The following ENO1 variants were observed in gnomAD, a reference collection of about 807,000 sequenced individuals.
ENO1 encodes the protein enolase 1.
A neutral mutation model predicts 46.3 loss-of-function variants in ENO1; 33 were observed. The observed-to-expected ratio is 0.71, with a 90% CI of 0.54 to 0.95. The LOEUF is 0.95. Ranked by LOEUF, ENO1 falls within the 40% of genes least tolerant of loss-of-function variation. ENO1 has a pLI of 0.00. For missense variants in ENO1, 488 were observed against 553.3 expected (o/e 0.88, Z 1.18); for synonymous variants, 220 against 216.0 (o/e 1.02, Z -0.16).
At position 8,870,483 on chromosome 1, in the gene ENO1, T is replaced by A; in HGVS notation, c.209A>T (p.Asn70Ile). 1 of 1,614,188 alleles carries A rather than the reference T, an allele frequency of 6.2e-7. No individual in the cohort carries two copies. Among genetic ancestry groups the A allele is most frequent in the Non-Finnish European group, 8.5e-7 (1 of 1,180,032 alleles). The change falls in exon 4 of 12, where the codon AAT becomes ATT. Residue 70 changes from asparagine to isoleucine, a missense_variant. Coordinates refer to ENST00000234590, the MANE Select transcript of ENO1 (RefSeq NM_001428.5). ...KGVSKAVEHI[N>I]KTIAPALVSK... ...AACCAGGGCAGGCGCAATAGTTTTA[T>A]TGATGTGCTCAACAGCCTTTGAGAC...
At chr1:8,865,076 C>T (rs927194586) in intron 8 of ENO1, among the ~76,000 whole-genome samples, 2 of 152,316 alleles carry the variant, frequency 1.3e-5, no homozygotes, top group East Asian at 1.9e-4. Context: ...TGCTGGCACC[C>T]GAGCTCCTTA....
At chr1:8,868,109 C>A (rs764332790) in intron 4 of ENO1, 52 bp from the exon 5 acceptor site, 1 of 1,263,352 alleles carries the variant, frequency 7.9e-7, no homozygotes, top group Non-Finnish European at 1.2e-6. Context: ...ATCTGCATAG[C>A]CTTTGCTCCC....
rs921024435 is a variant in ENO1, at chr1:8,867,563, T to C, written c.311-313A>G. On this transcript the variant is annotated intron_variant, in intron 5 of 11. Coordinates refer to ENST00000234590, the MANE Select transcript of ENO1 (RefSeq NM_001428.5). The stretch of plus-strand genomic sequence containing the variant: ...GATATTCAAAAAAAATTTTTTTTTT[T>C]CTTTTTTTTTGAGACAGAGTCTCAC... Among the ~76,000 whole-genome samples, 3 of 151,586 alleles carry C rather than the reference T, an allele frequency of 2.0e-5. 1 individual carries two copies. Among genetic ancestry groups the C allele is most frequent in the Non-Finnish European group, 4.4e-5 (3 of 67,956 alleles).
chr1:8,875,037 T>C, intron 1 of ENO1, 120 bp from the exon 2 acceptor site: 2 of 731,512 alleles, frequency 2.7e-6, no homozygotes, highest in Non-Finnish European at 2.2e-6. Context: ...GACTAAATAC[T>C]GGATGTAGGA....
intron 11 of ENO1, among the ~76,000 whole-genome samples, chr1:8,861,670 A>G (rs1569890434): frequency 6.6e-6 from 1 of 151,818 alleles, no homozygotes; most frequent in Non-Finnish European, 1.5e-5. Context: ...GGTGCCCTCC[A>G]CCCACCGCCC....
Position 8,861,333 on chromosome 1 carries a change from T to A in ENO1, c.*27A>T, listed in dbSNP as rs1197512826. 6.2e-7 allele frequency: 1 copy of A among 1,612,780 alleles called. No individual in the cohort carries two copies. Among genetic ancestry groups the A allele is most frequent in the East Asian group, 2.2e-5 (1 of 44,872 alleles). On this transcript the variant is annotated 3_prime_UTR_variant, in exon 12 of 12. Transcript: ENST00000234590. ...GGGAGGGGTCTGTGTAGCCAACAGG[T>A]GACCGAAGGGCTTGCCTGCCCACAG... is the stretch of plus-strand genomic sequence containing the variant.
At chr1:8,867,030 G>A in intron 6 of ENO1, 87 bp downstream of exon 6, 3 of 1,544,602 alleles carry the variant, frequency 1.9e-6, no homozygotes, top group East Asian at 2.3e-5. Flanking sequence ...CATGTGTTAG[G>A]ATATCAAGGC....
chr1:8,864,076 A>C lies in ENO1; in HGVS notation c.882T>G (p.Asp294Glu). 1 of 1,614,032 alleles carries C rather than the reference A, an allele frequency of 6.2e-7. No individual in the cohort carries two copies. Among genetic ancestry groups the C allele is most frequent in the Non-Finnish European group, 8.5e-7 (1 of 1,180,012 alleles). The stretch of plus-strand genomic sequence containing the variant: ...CTCCCCAGTCATCCTGGTCAAAGGG[A>C]TCTTCGATAGACACCACTAAGGAAA... ...IKDYPVVSIEDPFDQDDWGAW... is the reference protein window; with the variant it reads ...IKDYPVVSIEEPFDQDDWGAW... The change falls in exon 9 of 12, where the codon GAT becomes GAG. Residue 294 changes from aspartate (D) to glutamate (E), a missense_variant. Asp to Glu is a conservative substitution (Grantham distance 45, BLOSUM62 2). Transcript: ENST00000234590.
intron 7 of ENO1, 71 bp from the exon 8 acceptor site, chr1:8,865,553 T>C (rs1569899754): frequency 6.3e-6 from 9 of 1,432,806 alleles, no homozygotes; most frequent in South Asian, 2.4e-5. Context: ...CAACAGCTGC[T>C]ACACAGGGAC....
At chr1:8,869,537 G>C (rs951958521) in intron 4 of ENO1, among the ~76,000 whole-genome samples, 1 of 152,130 alleles carries the variant, frequency 6.6e-6, no homozygotes, top group African/African-American at 2.4e-5. Context: ...CTGTGGCTGG[G>C]CTTGGACTGG....
chr1:8,877,141 T>G (rs1642752095), intron 1 of ENO1, among the ~76,000 whole-genome samples: 2 of 152,056 alleles, frequency 1.3e-5, no homozygotes. Context: ...GTATTTTTAG[T>G]AGAGATGGGG....
intron 1 of ENO1, chr1:8,875,875 C>CA (rs1642722434): frequency 1.3e-5 from 2 of 152,094 alleles, no homozygotes; most frequent in South Asian, 4.1e-4. Context: ...CTTGGCCTCC[C>CA]AAAGCATGCT....
intron 8 of ENO1, among the ~76,000 whole-genome samples, chr1:8,865,053 T>C (rs2765507): frequency 0.43 from 65,757 of 152,060 alleles, 15,809 homozygotes; most frequent in Non-Finnish European, 0.55. Context: ...AACAACTTAT[T>C]ATGCAATGTC....
At chr1:8,863,404 T>A in intron 9 of ENO1, 61 bp from the exon 10 acceptor site, 2 of 1,507,768 alleles carry the variant, frequency 1.3e-6, no homozygotes, top group Non-Finnish European at 1.8e-6. Flanking sequence ...TAACCCCCAA[T>A]GCCATTACCC....
chr1:8,865,248 T>G, intron 8 of ENO1, 37 bp downstream of exon 8: 2 of 1,607,266 alleles, frequency 1.2e-6, no homozygotes, highest in Non-Finnish European at 1.7e-6. Flanking sequence ...TGCAGGTCAG[T>G]GGCAGGAAAG....
chr1:8,870,956 G>C, intron 3 of ENO1: 1 of 1,248,112 alleles, frequency 8.0e-7, no homozygotes, highest in Non-Finnish European at 1.0e-6. Context: ...GACTGCGAGT[G>C]AGAGACAGTG....
intron 8 of ENO1, 39 bp from the exon 9 acceptor site, chr1:8,864,131 C>A: frequency 6.2e-7 from 1 of 1,606,570 alleles, no homozygotes; most frequent in Non-Finnish European, 8.5e-7. Context: ...GTGTGATCCT[C>A]CCAGTGTGCT....
chr1:8,878,445 G>A, intron 1 of ENO1, 135 bp downstream of exon 1: 1 of 344,344 alleles, frequency 2.9e-6, no homozygotes, highest in Non-Finnish European at 5.7e-6. Context: ...ACCCAGGGAG[G>A]CGGCTTGCAC....
chr1:8,872,709 A>C (rs1353301155), intron 2 of ENO1, among the ~76,000 whole-genome samples: 1 of 152,082 alleles, frequency 6.6e-6, no homozygotes, highest in Non-Finnish European at 1.5e-5. Flanking sequence ...TTAAGCATAA[A>C]ATTAGGGTAA....
Sources: gnomAD v4.1 joint callset for allele counts (sites outside exome capture counted in the v4.1 genomes callset) on GRCh38, gnomAD v4.1.1 for gene constraint, MANE v1.5 for transcripts, NCBI Gene and HGNC (gene_info 2026-07-23, HGNC 2026-07-21) for gene names.